The following GDAP1 variants were observed in gnomAD, a reference collection of about 807,000 sequenced individuals.
GDAP1 encodes ganglioside-induced differentiation-associated protein 1.
In GDAP1, 34 loss-of-function variants were observed where a neutral mutation model predicts 40.1. That is an observed-to-expected ratio of 0.85 (90% CI 0.64 to 1.13). The LOEUF (loss-of-function observed/expected upper bound fraction) is 1.13. GDAP1 is among the 50% of genes most tolerant of loss of function. GDAP1 has a pLI of 0.00. For missense variants in GDAP1, 374 were observed against 433.7 expected, an observed-to-expected ratio of 0.86 and a Z score of 1.22; for synonymous variants, 170 against 157.4, an observed-to-expected ratio of 1.08 and a Z score of -0.60.
rs1222636540 is a variant in GDAP1 at position 74,487,699 on chromosome 8, G to C, written c.166-979G>C. Among the ~76,000 whole-genome samples the C allele has an allele frequency of 2.0e-5, 3 of 152,216 alleles. No individual in the cohort carries two copies. The South Asian group carries it at 6.2e-4, about 32-fold the overall frequency. On this transcript the variant is annotated intron_variant, in intron 2 of 2. Transcript: ENST00000523640. Reference sequence around the variant, plus strand: ...AACAATTTTCTAGGAAATTCAAAAGGTAGAGAGGTACAGTAGGTCATTTAG... The same window carrying C: ...AACAATTTTCTAGGAAATTCAAAAGCTAGAGAGGTACAGTAGGTCATTTAG...
chr8:74,417,414 A>T (rs1485393105), intron 2 of GDAP1, among the ~76,000 whole-genome samples: 1 of 150,104 alleles, frequency 6.7e-6, no homozygotes, highest in Non-Finnish European at 1.5e-5. Flanking sequence ...ATTAAAAGAT[A>T]TATAGATTGG....
intron 2 of GDAP1, among the ~76,000 whole-genome samples, chr8:74,468,997 T>A (rs1251892613): frequency 1.3e-5 from 2 of 152,182 alleles, no homozygotes; most frequent in Non-Finnish European, 2.9e-5. Flanking sequence ...TTTTGTCTTT[T>A]TAGCATCCAG....
At chr8:74,426,017 T>G (rs1805943324) in intron 2 of GDAP1, among the ~76,000 whole-genome samples, 1 of 152,228 alleles carries the variant, frequency 6.6e-6, no homozygotes, top group Admixed American at 6.5e-5. Context: ...TGTTAATTAT[T>G]GAAATCCTAG....
chr8:74,367,352 G>A (rs1367691933), downstream of GDAP1, among the ~76,000 whole-genome samples: 10 of 152,096 alleles, frequency 6.6e-5, no homozygotes, highest in Non-Finnish European at 1.3e-4. Context: ...AGTAAGCTTA[G>A]CCATTCTAAT....
At chr8:74,432,295 A>T (rs561564831) in intron 2 of GDAP1, among the ~76,000 whole-genome samples, 46 of 152,284 alleles carry the variant, frequency 3.0e-4, no homozygotes, top group Admixed American at 9.8e-4. Flanking sequence ...CTGAGTCAAT[A>T]ATCTTTAAGC....
chr8:74,372,958 G>C (rs918284854), intron 2 of GDAP1, among the ~76,000 whole-genome samples: 2 of 152,196 alleles, frequency 1.3e-5, no homozygotes, highest in African/African-American at 4.8e-5. Flanking sequence ...ATGTAAGGAA[G>C]GGATCCAGTT....
chr8:74,464,898 A>G (rs748866050), intron 2 of GDAP1, among the ~76,000 whole-genome samples: 3 of 152,276 alleles, frequency 2.0e-5, no homozygotes, highest in Non-Finnish European at 4.4e-5. Context: ...TTAATTGTAA[A>G]TAAGTATCTT....
At position 74,432,177 on chromosome 8, in the gene GDAP1, T is replaced by C. The variant is rs534227627; in HGVS notation, c.166-56501T>C. Among the ~76,000 whole-genome samples, 3 of 152,268 alleles carry C rather than the reference T, an allele frequency of 2.0e-5. No individual in the cohort carries two copies. In the South Asian group the frequency reaches 6.2e-4, roughly 32 times the overall value. Reference sequence around the variant, plus strand: ...GGCCATTTTTCCTTTGGAGGGTGCATAACTCACAGGAAAGCAGGGACCCTG... The same window carrying C: ...GGCCATTTTTCCTTTGGAGGGTGCACAACTCACAGGAAAGCAGGGACCCTG... On this transcript the variant is annotated intron_variant, in intron 2 of 2. Transcript: ENST00000523640.
At chr8:74,368,084 A>G (rs574281705), downstream of GDAP1, among the ~76,000 whole-genome samples, 1 of 152,294 alleles carries the variant, frequency 6.6e-6, no homozygotes, top group South Asian at 2.1e-4. Flanking sequence ...CTTTTACTTT[A>G]TTACTTATGC....
At chr8:74,428,991 T>G (rs1011713942) in intron 2 of GDAP1, among the ~76,000 whole-genome samples, 1 of 151,682 alleles carries the variant, frequency 6.6e-6, no homozygotes, top group Admixed American at 6.6e-5. Flanking sequence ...TGCGATAGTT[T>G]GCTGAGAATG....
intron 2 of GDAP1, among the ~76,000 whole-genome samples, chr8:74,383,616 C>A (rs184401968): frequency 2.7e-4 from 41 of 152,218 alleles, no homozygotes; most frequent in Admixed American, 9.2e-4. Context: ...AATCTCATTT[C>A]CAAATCTTTC....
At chr8:74,456,811 T>C (rs1431613134) in intron 2 of GDAP1, among the ~76,000 whole-genome samples, 1 of 152,074 alleles carries the variant, frequency 6.6e-6, no homozygotes, top group Non-Finnish European at 1.5e-5. Context: ...AATTTTAATA[T>C]GCTTAAGATG....
At chr8:74,470,844 G>A (rs1245148567) in intron 2 of GDAP1, among the ~76,000 whole-genome samples, 1 of 152,148 alleles carries the variant, frequency 6.6e-6, no homozygotes, top group Non-Finnish European at 1.5e-5. Flanking sequence ...CTTCCACAAT[G>A]GTTGAACTAG....
At position 74,448,775 on chromosome 8, in the gene GDAP1, G is replaced by A. The variant is rs559854527; in HGVS notation, c.166-39903G>A. 3.3e-5 allele frequency among the ~76,000 whole-genome samples: 5 copies of A among 152,066 alleles called. No homozygotes were observed. The East Asian group carries it at 5.8e-4, about 18-fold the overall frequency. On this transcript the variant is annotated intron_variant, in intron 2 of 2. Coordinates refer to the GDAP1 transcript ENST00000523640. ...TGTCCTGACTTATTTTAAGAATTAC[G>A]TAGTCTGTTAGTTGATTGTAGGAGT...
At chr8:74,387,671 G>T (rs2131541310) in intron 2 of GDAP1, among the ~76,000 whole-genome samples, 1 of 152,236 alleles carries the variant, frequency 6.6e-6, no homozygotes, top group East Asian at 1.9e-4. Flanking sequence ...GCCAGGTTTT[G>T]GTATCAGGAT....
chr8:74,436,497 A>C lies in GDAP1; in HGVS notation c.166-52181A>C, dbSNP rs1362644005. Reference sequence around the variant, plus strand: ...GAGTGCAGTGGTGTGATCTCGGCTCACTGCAACCTCCACCTCCCTGGTTCA... The same window carrying C: ...GAGTGCAGTGGTGTGATCTCGGCTCCCTGCAACCTCCACCTCCCTGGTTCA... On this transcript the variant is annotated intron_variant, in intron 2 of 2. Transcript: ENST00000523640. Among the ~76,000 whole-genome samples, 7 of 137,728 alleles carry C rather than the reference A, an allele frequency of 5.1e-5. No individual in the cohort carries two copies. In the East Asian group the frequency reaches 6.3e-4, roughly 12 times the overall value. The allele number at this position is 137,728 out of a possible 152,430, so 90.4% of individuals were successfully genotyped here. A position where few individuals can be genotyped will look rare whatever the true frequency, so the allele number is the denominator to read the frequency against.
downstream of GDAP1, among the ~76,000 whole-genome samples, chr8:74,368,451 A>G (rs968886779): frequency 6.6e-6 from 1 of 152,242 alleles, no homozygotes; most frequent in African/African-American, 2.4e-5. Flanking sequence ...TTTGCATTAC[A>G]AAAATGATAT....
chr8:74,400,218 A>G (rs1428390212), intron 2 of GDAP1, among the ~76,000 whole-genome samples: 1 of 149,766 alleles, frequency 6.7e-6, no homozygotes, highest in Non-Finnish European at 1.5e-5. Flanking sequence ...GACTTGCTTT[A>G]TGAATCTGGG....
intron 2 of GDAP1, among the ~76,000 whole-genome samples, chr8:74,429,551 T>C (rs913289791): frequency 3.9e-5 from 6 of 152,174 alleles, no homozygotes; most frequent in African/African-American, 1.4e-4. Context: ...AAAGAGTCCC[T>C]CTCCTTGGTT....
Sources: allele counts gnomAD v4.1 joint callset (sites outside exome capture counted in the v4.1 genomes callset), GRCh38; gene constraint gnomAD v4.1.1; transcripts MANE v1.5; gene names NCBI Gene and HGNC (gene_info 2026-07-23, HGNC 2026-07-21).